CBR4: variants seen among roughly 807,000 people sequenced by gnomAD.
CBR4 encodes the protein carbonyl reductase 4.
A neutral mutation model predicts 21.0 loss-of-function variants in CBR4; 22 were observed. The observed-to-expected ratio is 1.05, with a 90% CI of 0.75 to 1.50. The LOEUF (loss-of-function observed/expected upper bound fraction) is 1.50. Ranked by LOEUF, CBR4 falls within the 40% of genes most tolerant of loss-of-function variation. CBR4 has a pLI of 0.00. For synonymous variants in CBR4, 100 were observed against 104.4 expected (o/e 0.96, Z 0.26); for missense variants, 302 against 286.3 (o/e 1.05, Z -0.40).
Position 168,990,228 on chromosome 4 carries a change from C to A in CBR4, c.636G>T (p.Ala212=). ...RFGETIEVAH[A]VVFLLESPYI... is the part of the protein sequence containing the mutation. ...ACGGTGATTCTAAAAGAAACACAAC[C>A]GCATGTGCCACCTCAATAGTTTCTC... Residue 212 remains alanine (A), a synonymous_variant, in exon 5 of 5, where the codon GCG becomes GCT. Coordinates refer to ENST00000306193, the MANE Select transcript of CBR4 (RefSeq NM_032783.5). 2 of 1,613,658 alleles carry A rather than the reference C, an allele frequency of 1.2e-6. No homozygotes were observed. Among genetic ancestry groups the A allele is most frequent in the Non-Finnish European group, 1.7e-6 (2 of 1,179,780 alleles).
Position 169,007,745 on chromosome 4 carries a change from C to A in CBR4, c.154G>T (p.Ala52Ser). The change falls in exon 2 of 5, where the codon GCA becomes TCA. Residue 52 changes from alanine (A) to serine (S), a missense_variant. Physicochemically the swap from Ala to Ser is moderately conservative, Grantham distance 99 (BLOSUM62 1). Transcript: ENST00000306193. Reference protein sequence around the residue: ...AAGDLGGDHLAFSCDVAKEHD... With the variant: ...AAGDLGGDHLSFSCDVAKEHD... ...TCTTTAGCAACATCACAGCTAAATG[C>A]CAAATGATCTCCTACACAACAAAGT... The A allele has an allele frequency of 1.3e-6, 2 of 1,578,366 alleles. No homozygotes were observed. The highest frequency in any genetic ancestry group is 1.7e-6 in the Non-Finnish European group (2 of 1,165,638).
At position 168,918,325 on chromosome 4, in the gene CBR4, G is replaced by GATAT. The variant is rs71588177; in HGVS notation, n.170-23564_170-23561dup. 9.6e-3 allele frequency among the ~76,000 whole-genome samples: 1,430 copies of GATAT among 149,314 alleles called. 13 individuals carry two copies. The highest frequency in any genetic ancestry group is 0.022 in the African/African-American group (907 of 40,994). On this transcript the variant is annotated intron_variant and non_coding_transcript_variant, in intron 2 of 3. Transcript: ENST00000509108. Reference sequence around the variant, plus strand: ...AGATGAATGAATAAAGAAAATATGAGATATATATATATATACATACATACA... The same window carrying GATAT: ...AGATGAATGAATAAAGAAAATATGAGATATATATATATATATATACATACATACA...
chr4:168,921,756 G>A lies in CBR4; in HGVS notation n.170-26991C>T. 6.3e-7 allele frequency: 1 copy of A among 1,590,780 alleles called. No homozygotes were observed. Among genetic ancestry groups the A allele is most frequent in the Non-Finnish European group, 8.6e-7 (1 of 1,160,914 alleles). On this transcript the variant is annotated intron_variant and non_coding_transcript_variant, in intron 2 of 3. Coordinates refer to the CBR4 transcript ENST00000509108. ...TGTGGTTGCTGGTAGGCTCATCTGTGAATCCTTGCTCTCTGACAGAATGAA... is the reference window on the plus strand; with the variant it reads ...TGTGGTTGCTGGTAGGCTCATCTGTAAATCCTTGCTCTCTGACAGAATGAA...
intron 2 of CBR4, among the ~76,000 whole-genome samples, chr4:168,901,783 G>A (rs1485248880): frequency 2.0e-5 from 3 of 152,130 alleles, no homozygotes; most frequent in Non-Finnish European, 4.4e-5. Context: ...ACTTGAACCC[G>A]GGAGGCAGAA....
rs770169972 is a variant in CBR4, at chr4:168,924,255, C to G, written n.170-29490G>C. 1.2e-6 allele frequency: 2 copies of G among 1,613,408 alleles called. No homozygotes were observed. The highest frequency in any genetic ancestry group is 8.5e-7 in the Non-Finnish European group (1 of 1,179,438). ...GAGAATTCATCTCATGTTTTCTTAG[C>G]TAAAGAAGCACACAAACCCCCTGTG... On this transcript the variant is annotated intron_variant and non_coding_transcript_variant, in intron 2 of 3. Coordinates refer to the CBR4 transcript ENST00000509108.
At position 168,926,247 on chromosome 4, in the gene CBR4, A is replaced by G. The variant is rs1424841441; in HGVS notation, n.170-31482T>C. 3.9e-6 allele frequency: 6 copies of G among 1,532,752 alleles called. No individual in the cohort carries two copies. The highest frequency in any genetic ancestry group is 5.2e-6 in the Non-Finnish European group (6 of 1,144,358). The allele number at this position is 1,532,752 out of a possible 1,614,324, so 94.9% of individuals were successfully genotyped here. On this transcript the variant is annotated intron_variant and non_coding_transcript_variant, in intron 2 of 3. Coordinates refer to the CBR4 transcript ENST00000509108. ...ATCAGCAGTCACAGAGCACCAAGCC[A>G]AAAAAAGTACGGCCCTCAGCCAGTC...
intron 2 of CBR4, among the ~76,000 whole-genome samples, chr4:168,932,400 A>C (rs969501772): frequency 6.6e-6 from 1 of 152,148 alleles, no homozygotes; most frequent in South Asian, 2.1e-4. Flanking sequence ...AGACAAAAAA[A>C]AAAGAATAAA....
Position 168,989,827 on chromosome 4 carries a change from TG to T in CBR4, c.*322del. On this transcript the variant is annotated 3_prime_UTR_variant, in exon 5 of 5. Transcript: ENST00000306193. ...CATCCTTTAGAAAACACAATTTGTC[TG>T]GGGGGATGATTGCACATGTATTTAA... 2.0e-6 allele frequency: 2 copies of T among 1,014,096 alleles called. No homozygotes were observed. Among genetic ancestry groups the T allele is most frequent in the Non-Finnish European group, 2.4e-6 (2 of 849,184 alleles). The allele number at this position is 1,014,096 out of a possible 1,614,324, so 62.8% of individuals were successfully genotyped here.
chr4:168,924,506 T>C lies in CBR4; in HGVS notation n.170-29741A>G, dbSNP rs1762191231. 3.1e-6 allele frequency: 4 copies of C among 1,292,348 alleles called. 1 individual carries two copies. In the Admixed American group the frequency reaches 6.8e-5, roughly 22 times the overall value. 80.1% of individuals were successfully genotyped at this position (1,292,348 alleles called of 1,614,324 possible). A position where few individuals can be genotyped will look rare whatever the true frequency, so the allele number is the denominator to read the frequency against. On this transcript the variant is annotated intron_variant and non_coding_transcript_variant, in intron 2 of 3. Transcript: ENST00000509108. ...ATACATTTTATATAGCATGGAAATC[T>C]ATGTGTAAAAGCCACATAGATGTTT...
intron 1 of CBR4, 88 bp downstream of exon 1, chr4:169,009,860 G>A (rs1731257798): frequency 1.5e-6 from 2 of 1,316,530 alleles, no homozygotes; most frequent in African/African-American, 1.5e-5. Context: ...GAGCCCTAAA[G>A]GCCAGACCCG....
Position 168,958,259 on chromosome 4 carries a change from A to G in CBR4, n.169+43812T>C, listed in dbSNP as rs560333582. Among the ~76,000 whole-genome samples the G allele has an allele frequency of 2.7e-3, 406 of 150,412 alleles. 2 individuals are homozygous for G. Among genetic ancestry groups the G allele is most frequent in the African/African-American group, 9.2e-3 (380 of 41,180 alleles). ...AGCCTGGGTGACAGAACAAGACTCC[A>G]TCTCAGGAAAAAAAAAAAAATTACC... On this transcript the variant is annotated intron_variant and non_coding_transcript_variant, in intron 2 of 3. Transcript: ENST00000509108.
At chr4:169,009,724 G>C (rs1174865674) in intron 1 of CBR4, among the ~76,000 whole-genome samples, 4 of 152,260 alleles carry the variant, frequency 2.6e-5, no homozygotes, top group African/African-American at 2.4e-5. Flanking sequence ...CAAGTGTTCA[G>C]CCCTCGGCGG....
chr4:168,996,734 C>A (rs1304241390), intron 4 of CBR4, among the ~76,000 whole-genome samples: 1 of 152,068 alleles, frequency 6.6e-6, no homozygotes, highest in Admixed American at 6.6e-5. Flanking sequence ...TCTGTCCCCA[C>A]TTTATCAGAA....
chr4:168,919,370 A>G (rs1167966935), intron 2 of CBR4, among the ~76,000 whole-genome samples: 1 of 151,968 alleles, frequency 6.6e-6, no homozygotes, highest in East Asian at 1.9e-4. Context: ...CTAAAATACA[A>G]AAAAATCAGC....
intron 1 of CBR4, among the ~76,000 whole-genome samples, chr4:169,008,456 A>G (rs1457128347): frequency 6.6e-6 from 1 of 151,948 alleles, no homozygotes; most frequent in Non-Finnish European, 1.5e-5. Flanking sequence ...TCTAAAATGT[A>G]GGATTGTTTT....
chr4:168,990,127 C>A lies in CBR4; in HGVS notation c.*23G>T. On this transcript the variant is annotated 3_prime_UTR_variant, in exon 5 of 5. Coordinates refer to ENST00000306193, the MANE Select transcript of CBR4 (RefSeq NM_032783.5). ...AAGTGTGCCCTTGATGCTAATCACC[C>A]CTATAACTGAATAATCTGCAAATTA... The A allele has an allele frequency of 6.3e-7, 1 of 1,582,318 alleles. No homozygotes were observed. The highest frequency in any genetic ancestry group is 8.6e-7 in the Non-Finnish European group (1 of 1,163,866).
chr4:168,910,247 G>T (rs1317046019), intron 2 of CBR4, among the ~76,000 whole-genome samples: 1 of 148,380 alleles, frequency 6.7e-6, no homozygotes, highest in Non-Finnish European at 1.5e-5. Flanking sequence ...TTTTTGAGAG[G>T]GGAGGAAGAG....
intron 3 of CBR4, among the ~76,000 whole-genome samples, chr4:169,004,117 A>T (rs1579024455): frequency 6.6e-6 from 1 of 152,174 alleles, no homozygotes; most frequent in East Asian, 1.9e-4. Context: ...AAAAAATAAA[A>T]AAAATAAAGA....
chr4:168,948,156 G>C (rs1443167205), intron 2 of CBR4, among the ~76,000 whole-genome samples: 1 of 152,126 alleles, frequency 6.6e-6, no homozygotes, highest in East Asian at 1.9e-4. Context: ...TCGTATGTTT[G>C]TTGGCCATTT....
Sources: gnomAD v4.1 joint callset for allele counts (sites outside exome capture counted in the v4.1 genomes callset) on GRCh38, gnomAD v4.1.1 for gene constraint, MANE v1.5 for transcripts, NCBI Gene and HGNC (gene_info 2026-07-23, HGNC 2026-07-21) for gene names.